Variants in DPYD observed in about 807,000 individuals in gnomAD.
The protein encoded by DPYD is dihydropyrimidine dehydrogenase.
A neutral mutation model predicts 116.2 loss-of-function variants in DPYD; 109 were observed. The ratio of observed to expected loss-of-function variants is 0.94; its 90% CI spans 0.80 to 1.10. The LOEUF (loss-of-function observed/expected upper bound fraction) is 1.10. DPYD is among the 50% of genes least tolerant of loss of function. DPYD has a pLI of 0.00. For synonymous variants in DPYD, 440 were observed against 432.0 expected (o/e 1.02, Z -0.23); for missense variants, 1,302 against 1,254.5 (o/e 1.04, Z -0.57).
At chr1:97,546,347 T>C (rs1650861849) in intron 12 of DPYD, 2 of 1,424,220 alleles carry the variant, frequency 1.4e-6, no homozygotes, top group Non-Finnish European at 2.0e-6. Flanking sequence ...AATGGAGTTG[T>C]TGGGAATGAA....
At chr1:97,906,979 A>C (rs1283856580) in intron 1 of DPYD, among the ~76,000 whole-genome samples, 1 of 152,080 alleles carries the variant, frequency 6.6e-6, no homozygotes, top group Non-Finnish European at 1.5e-5. Flanking sequence ...GCGTTTCTTG[A>C]ATACAAAGGA....
intron 3 of DPYD, among the ~76,000 whole-genome samples, chr1:97,820,276 A>G (rs1668854504): frequency 6.6e-6 from 1 of 152,158 alleles, no homozygotes; most frequent in East Asian, 1.9e-4. Flanking sequence ...AATTAAAGAC[A>G]TACATTAGGC....
At chr1:97,742,556 G>A (rs886578282) in intron 3 of DPYD, among the ~76,000 whole-genome samples, 2 of 151,856 alleles carry the variant, frequency 1.3e-5, no homozygotes, top group East Asian at 1.9e-4. Flanking sequence ...CATACTTAAC[G>A]TTTTTTCCCC....
intron 3 of DPYD, among the ~76,000 whole-genome samples, chr1:97,746,549 G>A (rs187736933): frequency 2.6e-5 from 4 of 152,150 alleles, no homozygotes; most frequent in East Asian, 1.9e-4. Flanking sequence ...GCTCTTAAAC[G>A]TATTTGTTTC....
At chr1:97,691,853 G>A in intron 6 of DPYD, 55 bp from the exon 7 acceptor site, 1 of 1,418,102 alleles carries the variant, frequency 7.1e-7, no homozygotes, top group Non-Finnish European at 1.0e-6. Flanking sequence ...ACCAATCTTT[G>A]ACCAATCTTA....
intron 20 of DPYD, among the ~76,000 whole-genome samples, chr1:97,140,265 G>A (rs1654114973): frequency 2.0e-5 from 3 of 152,048 alleles, no homozygotes; most frequent in Non-Finnish European, 4.4e-5. Flanking sequence ...CAGTAGAGGT[G>A]TTTGCTTATG....
intron 18 of DPYD, among the ~76,000 whole-genome samples, chr1:97,302,187 C>CATCT (rs1464276123): frequency 6.6e-6 from 1 of 151,958 alleles, no homozygotes; most frequent in Non-Finnish European, 1.5e-5. Flanking sequence ...CTTAGTGTTA[C>CATCT]ATCTATACTG....
intron 13 of DPYD, among the ~76,000 whole-genome samples, chr1:97,460,113 T>C (rs566810689): frequency 6.6e-6 from 1 of 152,160 alleles, no homozygotes; most frequent in African/African-American, 2.4e-5. Context: ...TAGTATGCAA[T>C]TTTTATAGTA....
chr1:97,523,937 T>A (rs943415296), intron 12 of DPYD, among the ~76,000 whole-genome samples: 2 of 152,178 alleles, frequency 1.3e-5, no homozygotes, highest in African/African-American at 4.8e-5. Context: ...CCACTGGAAC[T>A]GTACACTTAA....
At chr1:97,746,621 TA>T (rs1163646795) in intron 3 of DPYD, among the ~76,000 whole-genome samples, 1 of 152,122 alleles carries the variant, frequency 6.6e-6, no homozygotes, top group African/African-American at 2.4e-5. Context: ...AGGCTTTTGG[TA>T]TACAGTGGTG....
rs959543260 is a variant in DPYD, at chr1:97,373,456, A to C, written c.2058+105T>G. On this transcript the variant is annotated intron_variant, in intron 16 of 22. Coordinates refer to ENST00000370192, the MANE Select transcript of DPYD (RefSeq NM_000110.4). ...AATGCAGACCTGGAAGTCTCTAGCC[A>C]GTCATCTGATCCATGCATCTCCTTG... 9 of 936,410 alleles carry C rather than the reference A, an allele frequency of 9.6e-6. No homozygotes were observed. In the African/African-American group the frequency reaches 1.5e-4, roughly 16 times the overall value. 58.0% of individuals were successfully genotyped at this position (936,410 alleles called of 1,614,324 possible). A position where few individuals can be genotyped will look rare whatever the true frequency, so the allele number is the denominator to read the frequency against.
In DPYD at chr1:97,573,913, C is replaced by A. The variant is rs2102184274; in HGVS notation, c.1186G>T (p.Val396Phe). The A allele has an allele frequency of 6.2e-7, 1 of 1,613,706 alleles. No individual in the cohort carries two copies. Among genetic ancestry groups the A allele is most frequent in the Non-Finnish European group, 8.5e-7 (1 of 1,179,702 alleles). The change falls in exon 11 of 23, where the codon GTT becomes TTT. Residue 396 changes from valine to phenylalanine, a missense_variant. By Grantham distance (50) the Val-to-Phe change is conservative. Coordinates refer to ENST00000370192, the MANE Select transcript of DPYD (RefSeq NM_000110.4). Reference sequence around the variant, plus strand: ...ACAATTCTCCCACCTTTTACTATAACCTTCCGTGGGGACAGGAATGGCAGA... The same window carrying A: ...ACAATTCTCCCACCTTTTACTATAAACTTCCGTGGGGACAGGAATGGCAGA... ...EFLPFLSPRK[V>F]IVKGGRIVAM... is the part of the protein sequence containing the mutation.
chr1:97,352,508 T>C (rs1179787642), intron 16 of DPYD, among the ~76,000 whole-genome samples: 2 of 152,016 alleles, frequency 1.3e-5, no homozygotes, highest in Admixed American at 1.3e-4. Context: ...ATTTGTCACT[T>C]TGGAAAAGAC....
At chr1:97,590,656 G>GGCAGGTTACCTA (rs1553200994) in intron 10 of DPYD, among the ~76,000 whole-genome samples, 2 of 152,176 alleles carry the variant, frequency 1.3e-5, no homozygotes, top group Non-Finnish European at 2.9e-5. Flanking sequence ...CTCTACTGCA[G>GGCAGGTTACCTA]GCAGGTTACC....
intron 3 of DPYD, among the ~76,000 whole-genome samples, chr1:97,765,266 T>C (rs1011074774): frequency 1.3e-5 from 2 of 152,238 alleles, no homozygotes; most frequent in African/African-American, 4.8e-5. Flanking sequence ...TTCTATTTTA[T>C]GTTTCATTGC....
At chr1:97,152,030 C>T (rs1025828203) in intron 20 of DPYD, among the ~76,000 whole-genome samples, 3 of 152,114 alleles carry the variant, frequency 2.0e-5, no homozygotes, top group Non-Finnish European at 2.9e-5. Flanking sequence ...TAAAAATTAA[C>T]CTTTTCTAGG....
chr1:97,497,965 G>A (rs1679362581), intron 13 of DPYD, among the ~76,000 whole-genome samples: 1 of 151,636 alleles, frequency 6.6e-6, no homozygotes, highest in African/African-American at 2.4e-5. Context: ...AACAAGAGTG[G>A]TATATCCACA....
chr1:97,334,922 C>T (rs75169684), intron 16 of DPYD, among the ~76,000 whole-genome samples: 5 of 152,174 alleles, frequency 3.3e-5, no homozygotes, highest in South Asian at 2.1e-4. Flanking sequence ...CAAGAGAGCC[C>T]GGTGCATATT....
intron 20 of DPYD, among the ~76,000 whole-genome samples, chr1:97,136,010 A>G (rs1274102574): frequency 6.6e-6 from 1 of 152,172 alleles, no homozygotes. Context: ...CCTCAGTTCA[A>G]ATGAGGAAAC....
Sources: gnomAD v4.1 joint callset for allele counts (sites outside exome capture counted in the v4.1 genomes callset) on GRCh38, gnomAD v4.1.1 for gene constraint, MANE v1.5 for transcripts, NCBI Gene and HGNC (gene_info 2026-07-23, HGNC 2026-07-21) for gene names.